Variants in ANKS1B observed in about 807,000 individuals in gnomAD.
ANKS1B encodes ankyrin repeat and sterile alpha motif domain-containing protein 1B.
A neutral mutation model predicts 148.3 loss-of-function variants in ANKS1B; 36 were observed. The observed-to-expected ratio is 0.24, with a 90% CI of 0.19 to 0.32. ANKS1B has a LOEUF of 0.32. Among genes scored for constraint, ANKS1B ranks in the 10% least tolerant of loss-of-function variants. The pLI, the probability that ANKS1B is intolerant of heterozygous loss-of-function variation, is 1.00. For synonymous variants in ANKS1B, 542 were observed against 560.8 expected (o/e 0.97, Z 0.47); for missense variants, 1,157 against 1,542.6 (o/e 0.75, Z 4.19).
intron 12 of ANKS1B, among the ~76,000 whole-genome samples, chr12:99,364,830 C>A (rs547347142): frequency 6.6e-6 from 1 of 152,202 alleles, no homozygotes; most frequent in East Asian, 1.9e-4. Context: ...TATTGCTATA[C>A]TCCCACCTTC....
At chr12:99,313,146 T>G (rs138072944) in intron 12 of ANKS1B, among the ~76,000 whole-genome samples, 1 of 152,080 alleles carries the variant, frequency 6.6e-6, no homozygotes, top group African/African-American at 2.4e-5. Flanking sequence ...TATAAACAAC[T>G]ATATGCAAAT....
At chr12:99,140,202 C>T (rs754856516) in intron 15 of ANKS1B, among the ~76,000 whole-genome samples, 2 of 152,146 alleles carry the variant, frequency 1.3e-5, no homozygotes, top group Non-Finnish European at 2.9e-5. Context: ...CAGTACTCTG[C>T]GAACAACCTG....
intron 1 of ANKS1B, among the ~76,000 whole-genome samples, chr12:99,866,955 A>G (rs182871125): frequency 6.6e-6 from 1 of 152,180 alleles, no homozygotes; most frequent in African/African-American, 2.4e-5. Flanking sequence ...GGAAAAAGAT[A>G]GCAACTGTGT....
chr12:99,233,811 T>G (rs963642154), intron 14 of ANKS1B, among the ~76,000 whole-genome samples: 1 of 152,148 alleles, frequency 6.6e-6, no homozygotes, highest in Non-Finnish European at 1.5e-5. Flanking sequence ...AACTAGTTGA[T>G]GACCCATAGA....
intron 11 of ANKS1B, among the ~76,000 whole-genome samples, chr12:99,405,460 A>G (rs1047531139): frequency 6.8e-6 from 1 of 146,058 alleles, no homozygotes; most frequent in Admixed American, 6.8e-5. Context: ...ATCAGTGTTA[A>G]GTTGCCATCA....
intron 2 of ANKS1B, among the ~76,000 whole-genome samples, chr12:99,822,424 C>T (rs1320624017): frequency 1.3e-5 from 2 of 152,064 alleles, no homozygotes; most frequent in African/African-American, 4.8e-5. Context: ...GAGGATAGTA[C>T]CCAATAGTTT....
intron 17 of ANKS1B, among the ~76,000 whole-genome samples, chr12:98,856,928 C>T (rs534062715): frequency 8.5e-5 from 13 of 152,174 alleles, no homozygotes; most frequent in African/African-American, 3.1e-4. Flanking sequence ...TACTTAATAC[C>T]TGGTGAGAGG....
intron 7 of ANKS1B, 36 bp from the exon 8 acceptor site, chr12:99,773,124 G>A (rs775109463): frequency 6.4e-7 from 1 of 1,555,838 alleles, no homozygotes; most frequent in Non-Finnish European, 8.7e-7. Flanking sequence ...TTCAAGAAAG[G>A]CTATTGTTAA....
At chr12:99,585,203 C>A (rs2097619018) in intron 9 of ANKS1B, among the ~76,000 whole-genome samples, 1 of 152,116 alleles carries the variant, frequency 6.6e-6, no homozygotes, top group African/African-American at 2.4e-5. Flanking sequence ...GGTAAATACA[C>A]CCATTCCAAA....
At position 98,837,294 on chromosome 12, in the gene ANKS1B, G is replaced by A. The variant is rs140119742; in HGVS notation, c.2779-5158C>T. 6.7e-3 allele frequency among the ~76,000 whole-genome samples: 1,007 copies of A among 149,774 alleles called. 10 individuals carry two copies. Among genetic ancestry groups the A allele is most frequent in the African/African-American group, 0.023 (942 of 40,754 alleles). ...GGAAGTTGCAGTGAGCCGAGATTAC[G>A]CCACTGCACTCCAGCCTGGGCGATG... On this transcript the variant is annotated intron_variant, in intron 17 of 26. Transcript: ENST00000683438.
At chr12:99,496,567 T>C (rs7973951) in intron 10 of ANKS1B, among the ~76,000 whole-genome samples, 149,157 of 152,310 alleles carry the variant, frequency 0.98, 73,066 homozygotes, top group East Asian at 1. Flanking sequence ...AGAACAATCT[T>C]ATTCTTTACT....
chr12:99,324,138 C>T (rs143069297), intron 12 of ANKS1B, among the ~76,000 whole-genome samples: 302 of 152,170 alleles, frequency 2.0e-3, no homozygotes, highest in African/African-American at 6.6e-3. Flanking sequence ...TTTGTGTGTA[C>T]ATTAATTACA....
rs1041449853 is a variant in ANKS1B, at chr12:99,812,578, AAG to A, written c.216-269_216-268del. Among the ~76,000 whole-genome samples, 170 of 120,980 alleles carry A rather than the reference AAG, an allele frequency of 1.4e-3. 1 individual carries two copies. The highest frequency in any genetic ancestry group is 5.1e-3 in the African/African-American group (168 of 33,004). 79.4% of individuals were successfully genotyped at this position (120,980 alleles called of 152,430 possible). On this transcript the variant is annotated intron_variant, in intron 2 of 26. Coordinates refer to ENST00000683438, the MANE Select transcript of ANKS1B (RefSeq NM_001352186.2). ...ACACACAGAGAGAGAGAGAGAGAGA[AAG>A]AGAGCGAGAGCACACATTGACTAAC...
In ANKS1B at chr12:98,798,970, C is replaced by A. The variant is rs760714421; in HGVS notation, c.3306G>T (p.Gly1102=). ...CACAAGCATCTTGGGTTGATTCTGT[C>A]CCCCTAAGCTCTTTTATCAGCATAG... ...LGSMLIKELR[G]TESTQDACAK... is the part of the protein sequence containing the mutation. Residue 1102 remains glycine (G), a synonymous_variant, in exon 22 of 27, where the codon GGG becomes GGT. Transcript: ENST00000683438. The A allele has an allele frequency of 1.2e-6, 2 of 1,609,362 alleles. No homozygotes were observed. The highest frequency in any genetic ancestry group is 2.7e-5 in the African/African-American group (2 of 74,682).
At chr12:98,966,158 G>C (rs896208245) in intron 17 of ANKS1B, among the ~76,000 whole-genome samples, 115 of 152,046 alleles carry the variant, frequency 7.6e-4, no homozygotes, top group Non-Finnish European at 1.4e-3. Flanking sequence ...ATCTGACAAA[G>C]GGCTAATATC....
At chr12:99,086,439 T>C (rs946484608) in intron 15 of ANKS1B, among the ~76,000 whole-genome samples, 1 of 152,166 alleles carries the variant, frequency 6.6e-6, no homozygotes, top group Non-Finnish European at 1.5e-5. Context: ...AGATATTGCA[T>C]GCCATGCTGA....
At chr12:99,260,838 C>T (rs532084780) in intron 12 of ANKS1B, among the ~76,000 whole-genome samples, 29 of 152,210 alleles carry the variant, frequency 1.9e-4, no homozygotes, top group Admixed American at 1.4e-3. Context: ...GCCAGAGAGC[C>T]TAAACAAAAG....
intron 8 of ANKS1B, among the ~76,000 whole-genome samples, chr12:99,766,602 C>T (rs2062669099): frequency 6.6e-6 from 1 of 152,086 alleles, no homozygotes. Context: ...TCTTGCAAAA[C>T]CTGTTAGGAG....
intron 8 of ANKS1B, among the ~76,000 whole-genome samples, chr12:99,719,045 T>G (rs528466778): frequency 1.1e-4 from 17 of 152,208 alleles, no homozygotes; most frequent in Non-Finnish European, 2.4e-4. Context: ...GCATGGTTAG[T>G]GCAGTCAGAA....
Sources: gnomAD v4.1 joint callset for allele counts (sites outside exome capture counted in the v4.1 genomes callset) on GRCh38, gnomAD v4.1.1 for gene constraint, MANE v1.5 for transcripts, NCBI Gene and HGNC (gene_info 2026-07-23, HGNC 2026-07-21) for gene names.